LDLRAD3: variants seen among roughly 807,000 people sequenced by gnomAD.
LDLRAD3 encodes the protein low density lipoprotein receptor class A domain containing 3.
A neutral mutation model predicts 29.4 loss-of-function variants in LDLRAD3; 20 were observed. The ratio of observed to expected loss-of-function variants is 0.68; its 90% confidence interval spans 0.48 to 0.99. The LOEUF (loss-of-function observed/expected upper bound fraction) is 0.99, where lower values mean the gene tolerates loss of function less well. LDLRAD3 is among the 50% of genes least tolerant of loss of function. The pLI is 0.00. For missense variants in LDLRAD3, 420 were observed against 454.3 expected (o/e 0.92, Z 0.69); for synonymous variants, 157 against 192.7 (o/e 0.81, Z 1.53).
chr11:36,173,526 T>A (rs1016578528), intron 4 of LDLRAD3, among the ~76,000 whole-genome samples: 1 of 152,056 alleles, frequency 6.6e-6, no homozygotes, highest in African/African-American at 2.4e-5. Context: ...TCATCCTTTT[T>A]TATGGCTGCA....
chr11:35,972,527 C>T (rs1851426068), intron 1 of LDLRAD3: 1 of 152,092 alleles, frequency 6.6e-6, no homozygotes, highest in Admixed American at 6.5e-5. Flanking sequence ...TACCCATTCT[C>T]CAGCCCAGAG....
At chr11:36,048,539 T>A (rs904553) in intron 2 of LDLRAD3, among the ~76,000 whole-genome samples, 152,340 of 152,364 alleles carry the variant, frequency 1, 76,158 homozygotes, top group Non-Finnish European at 1. Context: ...CTAGAGAAAA[T>A]CTGAGAAGAA....
At chr11:36,058,106 AGATT>A (rs1852647899) in intron 2 of LDLRAD3, among the ~76,000 whole-genome samples, 1 of 152,220 alleles carries the variant, frequency 6.6e-6, no homozygotes, top group African/African-American at 2.4e-5. Flanking sequence ...AGTGGCTCCC[AGATT>A]GCACATGAAA....
At chr11:36,107,723 T>C (rs1590273056) in intron 4 of LDLRAD3, among the ~76,000 whole-genome samples, 1 of 152,286 alleles carries the variant, frequency 6.6e-6, no homozygotes, top group East Asian at 1.9e-4. Context: ...CCATATAACC[T>C]AGGTGTGTAG....
At chr11:35,958,260 A>C (rs903120253) in intron 1 of LDLRAD3, among the ~76,000 whole-genome samples, 1 of 152,206 alleles carries the variant, frequency 6.6e-6, no homozygotes, top group Non-Finnish European at 1.5e-5. Flanking sequence ...CATGTGGCTG[A>C]TGGGATTGGA....
chr11:36,143,448 G>A (rs917450212), intron 4 of LDLRAD3, among the ~76,000 whole-genome samples: 3 of 152,200 alleles, frequency 2.0e-5, no homozygotes, highest in Admixed American at 6.5e-5. Context: ...AAATAGACTT[G>A]CCAAAAGTCT....
chr11:36,002,620 G>T (rs1304219507), intron 1 of LDLRAD3, among the ~76,000 whole-genome samples: 1 of 152,226 alleles, frequency 6.6e-6, no homozygotes, highest in Non-Finnish European at 1.5e-5. Flanking sequence ...GCCCGTCCTG[G>T]ACTGGGGAGG....
At chr11:36,026,663 C>T (rs1327565503) in intron 1 of LDLRAD3, among the ~76,000 whole-genome samples, 2 of 152,248 alleles carry the variant, frequency 1.3e-5, no homozygotes, top group Non-Finnish European at 2.9e-5. Flanking sequence ...TGGCGAGGAA[C>T]ATGACCTCTG....
chr11:36,068,880 C>G (rs944489142), intron 2 of LDLRAD3, among the ~76,000 whole-genome samples: 71 of 152,160 alleles, frequency 4.7e-4, no homozygotes, highest in Admixed American at 3.3e-4. Context: ...TGTAGACCTC[C>G]TCTTCTCAGC....
At chr11:36,194,735 C>T (rs1235637183) in intron 4 of LDLRAD3, among the ~76,000 whole-genome samples, 2 of 152,178 alleles carry the variant, frequency 1.3e-5, no homozygotes, top group South Asian at 4.1e-4. Flanking sequence ...AAAAAATAAG[C>T]AATGTTCAGG....
intron 2 of LDLRAD3, among the ~76,000 whole-genome samples, chr11:36,052,457 A>T (rs1366683512): frequency 1.3e-5 from 2 of 152,226 alleles, no homozygotes; most frequent in Non-Finnish European, 2.9e-5. Context: ...TGCCAATAAG[A>T]TTATATCCCT....
intron 1 of LDLRAD3, among the ~76,000 whole-genome samples, chr11:35,976,973 T>C (rs1383776425): frequency 6.6e-6 from 1 of 152,208 alleles, no homozygotes; most frequent in Admixed American, 6.5e-5. Context: ...TATTTACAAA[T>C]GTGGTTTTTT....
At chr11:36,080,609 C>T (rs1346740391) in intron 2 of LDLRAD3, among the ~76,000 whole-genome samples, 1 of 152,136 alleles carries the variant, frequency 6.6e-6, no homozygotes, top group Non-Finnish European at 1.5e-5. Context: ...AAGAACCATA[C>T]TCATTTGTTT....
Position 36,169,993 on chromosome 11 carries a change from G to A in LDLRAD3, c.455-57092G>A, listed in dbSNP as rs556359403. 5.6e-4 allele frequency among the ~76,000 whole-genome samples: 85 copies of A among 152,050 alleles called. 1 individual carries two copies. Among genetic ancestry groups the A allele is most frequent in the African/African-American group, 2.0e-3 (83 of 41,490 alleles). ...CCGAGCAATGTACACTGTACCCAAT[G>A]TGCAGTCTTTTATCCCTCACCCTCC... is the stretch of plus-strand genomic sequence containing the variant. On this transcript the variant is annotated intron_variant, in intron 4 of 5. Coordinates refer to ENST00000315571, the MANE Select transcript of LDLRAD3 (RefSeq NM_174902.4).
intron 4 of LDLRAD3, among the ~76,000 whole-genome samples, chr11:36,125,508 A>G (rs571874281): frequency 1.3e-5 from 2 of 152,338 alleles, no homozygotes; most frequent in East Asian, 3.9e-4. Context: ...TCATTAGCAC[A>G]TAGTAGATAG....
chr11:36,107,000 G>A (rs994663717), intron 4 of LDLRAD3, among the ~76,000 whole-genome samples: 3 of 152,234 alleles, frequency 2.0e-5, no homozygotes, highest in Non-Finnish European at 1.5e-5. Flanking sequence ...GTGGCACATG[G>A]AACTGACCCG....
intron 4 of LDLRAD3, chr11:36,110,235 GT>G (rs1216344442): frequency 6.6e-6 from 1 of 152,242 alleles, no homozygotes; most frequent in African/African-American, 2.4e-5. Context: ...AAAGACAGTA[GT>G]TGCTTCCTGA....
chr11:36,164,688 TC>T lies in LDLRAD3; in HGVS notation c.455-62396del, dbSNP rs142175334. Reference sequence around the variant, plus strand: ...GACAGCTATTTGAATCATCCTAGAATCTACTGGCTTAAAGCTGACAGCTCTG... The same window carrying T: ...GACAGCTATTTGAATCATCCTAGAATTACTGGCTTAAAGCTGACAGCTCTG... On this transcript the variant is annotated intron_variant, in intron 4 of 5. Coordinates refer to ENST00000315571, the MANE Select transcript of LDLRAD3 (RefSeq NM_174902.4). Among the ~76,000 whole-genome samples the T allele has an allele frequency of 6.7e-3, 1,019 of 152,356 alleles. 14 individuals are homozygous for T. The highest frequency in any genetic ancestry group is 0.024 in the African/African-American group (992 of 41,580).
intron 4 of LDLRAD3, among the ~76,000 whole-genome samples, chr11:36,148,258 C>A (rs1368831655): frequency 1.3e-5 from 2 of 152,158 alleles, no homozygotes; most frequent in Non-Finnish European, 1.5e-5. Flanking sequence ...AGTGATGGTC[C>A]TCTCCTTGGT....
Sources: gnomAD v4.1 joint callset for allele counts (sites outside exome capture counted in the v4.1 genomes callset) on GRCh38, gnomAD v4.1.1 for gene constraint, MANE v1.5 for transcripts, NCBI Gene and HGNC (gene_info 2026-07-23, HGNC 2026-07-21) for gene names.